The following FAT3 variants were observed in gnomAD, a reference collection of about 807,000 sequenced individuals.
The protein encoded by FAT3 is protocadherin Fat 3.
A neutral mutation model predicts 310.2 loss-of-function variants in FAT3; 95 were observed. That is an observed-to-expected ratio of 0.31 (90% CI 0.26 to 0.36). The LOEUF is 0.36. Among genes scored for constraint, FAT3 ranks in the 10% least tolerant of loss-of-function variants. The pLI, the probability that FAT3 is intolerant of heterozygous loss-of-function variation, is 1.00. For synonymous variants in FAT3, 2,314 were observed against 2,192.9 expected (o/e 1.06, Z -1.54); for missense variants, 5,408 against 5,715.6 (o/e 0.95, Z 1.74).
intron 1 of FAT3, among the ~76,000 whole-genome samples, chr11:92,293,230 G>A (rs937550548): frequency 6.6e-6 from 1 of 151,526 alleles, no homozygotes; most frequent in East Asian, 2.0e-4. Context: ...CAGAAATGAA[G>A]GGGAGGCCAT....
intron 1 of FAT3, among the ~76,000 whole-genome samples, chr11:92,343,359 A>G (rs1000865414): frequency 2.0e-5 from 3 of 152,152 alleles, no homozygotes; most frequent in Admixed American, 2.0e-4. Flanking sequence ...CAAAGGTGAT[A>G]TCATATCCCT....
At position 92,380,072 on chromosome 11, in the gene FAT3, CGTGTGTGTGTGTGTGTGTGTGTGT is replaced by C. The variant is rs34789717; in HGVS notation, c.3292+24683_3292+24706del. ...CAGAATGCCATCATGCAAACTGATT[CGTGTGTGTGTGTGTGTGTGTGTGT>C]GTGTGTGTGTGTGTTCAATGAAGGA... is the stretch of plus-strand genomic sequence containing the variant. On this transcript the variant is annotated intron_variant, in intron 2 of 27. Transcript: ENST00000525166. Among the ~76,000 whole-genome samples the C allele has an allele frequency of 2.1e-5, 3 of 145,210 alleles. No homozygotes were observed. The East Asian group carries it at 6.3e-4, about 30-fold the overall frequency.
At chr11:92,288,874 T>G (rs564711262) in intron 1 of FAT3, among the ~76,000 whole-genome samples, 1 of 152,190 alleles carries the variant, frequency 6.6e-6, no homozygotes, top group East Asian at 1.9e-4. Context: ...ACTTGGTTGG[T>G]TCTTTGGTGA....
intron 2 of FAT3, among the ~76,000 whole-genome samples, chr11:92,460,742 C>T (rs1336265268): frequency 6.6e-6 from 1 of 152,202 alleles, no homozygotes; most frequent in East Asian, 1.9e-4. Flanking sequence ...ATGCACAACA[C>T]ATGCACCTAG....
At chr11:92,793,336 G>C (rs1565597742) in intron 9 of FAT3, among the ~76,000 whole-genome samples, 1 of 152,124 alleles carries the variant, frequency 6.6e-6, no homozygotes, top group East Asian at 1.9e-4. Context: ...TCTGAGGCCT[G>C]CCAGGGTGTT....
At chr11:92,802,658 T>A (rs1041357124) in intron 10 of FAT3, among the ~76,000 whole-genome samples, 1 of 152,094 alleles carries the variant, frequency 6.6e-6, no homozygotes, top group African/African-American at 2.4e-5. Context: ...AGGTTCTTCC[T>A]AAAAACTATT....
Position 92,792,973 on chromosome 11 carries a change from A to C in FAT3, c.4818A>C (p.Glu1606Asp), listed in dbSNP as rs1384394902. 1 of 1,613,334 alleles carries C rather than the reference A, an allele frequency of 6.2e-7. No individual in the cohort carries two copies. Among genetic ancestry groups the C allele is most frequent in the African/African-American group, 1.3e-5 (1 of 75,024 alleles). ...GENAELIYTI[E>D]AGNTGNMFKI... ...ATGCAGAACTCATATATACCATAGA[A>C]GCAGGTGAGAGCTGTTGCACTGCAC... The change falls in exon 9 of 28, where the codon GAA becomes GAC. Residue 1606 changes from glutamate (E) to aspartate (D), a missense_variant. Coordinates refer to ENST00000525166, the MANE Select transcript of FAT3 (RefSeq NM_001367949.2).
At chr11:92,483,656 T>A (rs1375547972) in intron 2 of FAT3, among the ~76,000 whole-genome samples, 1 of 152,128 alleles carries the variant, frequency 6.6e-6, no homozygotes, top group Non-Finnish European at 1.5e-5. Context: ...ATTAAACACC[T>A]CTTCTATGCC....
At chr11:92,441,535 C>T (rs1951063407) in intron 2 of FAT3, among the ~76,000 whole-genome samples, 1 of 152,142 alleles carries the variant, frequency 6.6e-6, no homozygotes, top group African/African-American at 2.4e-5. Flanking sequence ...AACTGGAACT[C>T]CACAGTGTGT....
intron 2 of FAT3, among the ~76,000 whole-genome samples, chr11:92,423,098 A>G (rs1950563744): frequency 6.6e-6 from 1 of 152,184 alleles, no homozygotes; most frequent in African/African-American, 2.4e-5. Context: ...CAAAGACTGT[A>G]TGGAGTATAG....
intron 5 of FAT3, among the ~76,000 whole-genome samples, chr11:92,763,009 A>G (rs1442158914): frequency 6.6e-6 from 1 of 152,082 alleles, no homozygotes; most frequent in African/African-American, 2.4e-5. Flanking sequence ...AATATAAAAA[A>G]TTAGCTGGGC....
chr11:92,278,126 A>T (rs560183035), intron 1 of FAT3, among the ~76,000 whole-genome samples: 37 of 152,160 alleles, frequency 2.4e-4, no homozygotes, highest in Non-Finnish European at 4.3e-4. Context: ...TCCTGAGGGG[A>T]GGAGGAGTGG....
At chr11:92,412,340 A>T (rs1007936590) in intron 2 of FAT3, among the ~76,000 whole-genome samples, 10 of 147,726 alleles carry the variant, frequency 6.8e-5, no homozygotes, top group African/African-American at 2.5e-4. Context: ...TGACCTCGTG[A>T]TCCACCCACC....
chr11:92,482,107 A>G lies in FAT3; in HGVS notation c.3293-42527A>G, dbSNP rs1057204810. Reference sequence around the variant, plus strand: ...TTTTTTTACTTAACCATACATTTAGACATCTTCAATGTCAGTACACATAGA... The same window carrying G: ...TTTTTTTACTTAACCATACATTTAGGCATCTTCAATGTCAGTACACATAGA... On this transcript the variant is annotated intron_variant, in intron 2 of 27. Transcript: ENST00000525166. 2.0e-5 allele frequency among the ~76,000 whole-genome samples: 3 copies of G among 152,150 alleles called. No homozygotes were observed. In the South Asian group the frequency reaches 6.2e-4, roughly 32 times the overall value.
intron 3 of FAT3, among the ~76,000 whole-genome samples, chr11:92,592,526 T>C (rs1181783622): frequency 6.6e-6 from 1 of 151,998 alleles, no homozygotes; most frequent in Non-Finnish European, 1.5e-5. Context: ...TTCACCGTGT[T>C]GGTCAGGCTG....
chr11:92,455,779 A>C (rs1444669108), intron 2 of FAT3, among the ~76,000 whole-genome samples: 1 of 152,188 alleles, frequency 6.6e-6, no homozygotes, highest in Non-Finnish European at 1.5e-5. Context: ...GGGAATAATA[A>C]AAAAGCCAGT....
chr11:92,671,663 ATTTG>A (rs1591591132), intron 3 of FAT3, among the ~76,000 whole-genome samples: 1 of 152,096 alleles, frequency 6.6e-6, no homozygotes, highest in Non-Finnish European at 1.5e-5. Context: ...TTGTGCACTT[ATTTG>A]TTTAACATGT....
chr11:92,261,407 C>T (rs114506094), intron 1 of FAT3, among the ~76,000 whole-genome samples: 9 of 152,038 alleles, frequency 5.9e-5, no homozygotes, highest in African/African-American at 1.9e-4. Context: ...ACTGGATTCC[C>T]CACTATACTT....
chr11:92,756,916 ATTTTTTTTTT>A (rs34317439), intron 4 of FAT3, among the ~76,000 whole-genome samples: 7 of 90,302 alleles, frequency 7.8e-5, no homozygotes, highest in Non-Finnish European at 1.1e-4. Context: ...TTGTGGCTCC[ATTTTTTTTTT>A]TTTTTTTTTT....
Sources: allele counts gnomAD v4.1 joint callset (sites outside exome capture counted in the v4.1 genomes callset), GRCh38; gene constraint gnomAD v4.1.1; transcripts MANE v1.5; gene names NCBI Gene and HGNC (gene_info 2026-07-23, HGNC 2026-07-21).